DOCK5: variants seen among roughly 807,000 people sequenced by gnomAD.
DOCK5 encodes dedicator of cytokinesis 5.
A neutral mutation model predicts 251.8 loss-of-function variants in DOCK5; 142 were observed. The observed-to-expected ratio is 0.56, with a 90% CI of 0.49 to 0.65. DOCK5 has a LOEUF of 0.65. Ranked by LOEUF, DOCK5 falls within the 30% of genes least tolerant of loss-of-function variation. The probability of loss-of-function intolerance (pLI) is 0.00; values close to 1 mark genes in which losing one functional copy is unlikely to be tolerated. For synonymous variants in DOCK5, 842 were observed against 835.5 expected, an observed-to-expected ratio of 1.01 and a Z score of -0.13; for missense variants, 2,111 against 2,312.3, an observed-to-expected ratio of 0.91 and a Z score of 1.79.
chr8:25,234,414 T>C lies in DOCK5; in HGVS notation c.44-9260T>C, dbSNP rs1258558575. Among the ~76,000 whole-genome samples, 3 of 152,236 alleles carry C rather than the reference T, an allele frequency of 2.0e-5. No homozygotes were observed. In the East Asian group the frequency reaches 5.8e-4, roughly 29 times the overall value. On this transcript the variant is annotated intron_variant, in intron 1 of 51. Transcript: ENST00000276440. ...CAAGAAGAACCTGATAAGGAGACTT[T>C]ATTTGCTTTGGAAAAGATGTTCTGG...
chr8:25,386,215 G>A (rs559926364), intron 40 of DOCK5, among the ~76,000 whole-genome samples: 1 of 152,302 alleles, frequency 6.6e-6, no homozygotes, highest in Admixed American at 6.5e-5. Context: ...AGAAAAGTTG[G>A]TGAGTTACTT....
intron 8 of DOCK5, chr8:25,299,334 T>G: frequency 2.2e-6 from 1 of 459,364 alleles, no homozygotes. Flanking sequence ...ATAAAACTCA[T>G]TAGGGCTTGG....
In DOCK5 at chr8:25,302,694, T is replaced by G. The variant is rs144311381; in HGVS notation, c.976+240T>G. On this transcript the variant is annotated intron_variant, in intron 10 of 51. Coordinates refer to ENST00000276440, the MANE Select transcript of DOCK5 (RefSeq NM_024940.8). ...TCAGTGCATAAATGGACTAAGAAACTGTGGTGTGTACGCACAATGGAATAA... is the reference window on the plus strand; with the variant it reads ...TCAGTGCATAAATGGACTAAGAAACGGTGGTGTGTACGCACAATGGAATAA... Among the ~76,000 whole-genome samples the G allele has an allele frequency of 6.5e-3, 991 of 152,312 alleles. 8 individuals carry two copies. The highest frequency in any genetic ancestry group is 0.023 in the African/African-American group (957 of 41,570).
chr8:25,319,838 G>A (rs1313679690), intron 15 of DOCK5, among the ~76,000 whole-genome samples, 162 bp downstream of exon 15: 1 of 152,186 alleles, frequency 6.6e-6, no homozygotes, highest in Non-Finnish European at 1.5e-5. Context: ...TCTGTATTAA[G>A]AGCATTTATC....
At chr8:25,343,545 C>T (rs1800296737) in intron 25 of DOCK5, among the ~76,000 whole-genome samples, 1 of 152,146 alleles carries the variant, frequency 6.6e-6, no homozygotes, top group African/African-American at 2.4e-5. Flanking sequence ...GTCTTTAAAA[C>T]AGGAACCTCA....
chr8:25,274,894 G>A (rs938641231), intron 3 of DOCK5, among the ~76,000 whole-genome samples: 7 of 152,068 alleles, frequency 4.6e-5, no homozygotes, highest in African/African-American at 9.7e-5. Flanking sequence ...GCAGGGCTGC[G>A]TGCCATACTT....
intron 1 of DOCK5, among the ~76,000 whole-genome samples, chr8:25,205,925 T>A (rs1006823936): frequency 2.0e-5 from 3 of 152,202 alleles, no homozygotes; most frequent in Non-Finnish European, 2.9e-5. Flanking sequence ...TAGATTCTGT[T>A]TGTGGGAAGT....
intron 38 of DOCK5, among the ~76,000 whole-genome samples, chr8:25,378,773 G>A (rs1801010720): frequency 6.6e-6 from 1 of 152,178 alleles, no homozygotes; most frequent in African/African-American, 2.4e-5. Context: ...TTGAAATACA[G>A]TTTGCCAAAT....
chr8:25,275,546 C>T lies in DOCK5; in HGVS notation c.224+105C>T. 3 of 1,158,538 alleles carry T rather than the reference C, an allele frequency of 2.6e-6. 1 individual carries two copies. The South Asian group carries it at 4.4e-5, about 17-fold the overall frequency. The allele number at this position is 1,158,538 out of a possible 1,614,324, so 71.8% of individuals were successfully genotyped here. The stretch of plus-strand genomic sequence containing the variant: ...GCCTTATGTACGTTAATAGTTCTCT[C>T]ATCTCAGGCCAGGCGTGGTGGCTCA... On this transcript the variant is annotated intron_variant, in intron 4 of 51. Transcript: ENST00000276440.
chr8:25,389,122 A>T lies in DOCK5; in HGVS notation c.4163A>T (p.Tyr1388Phe). 1 of 1,614,022 alleles carries T rather than the reference A, an allele frequency of 6.2e-7. No homozygotes were observed. Among genetic ancestry groups the T allele is most frequent in the Non-Finnish European group, 8.5e-7 (1 of 1,179,894 alleles). Residue 1388 changes from tyrosine to phenylalanine, a missense_variant, in exon 41 of 52, where the codon TAT becomes TTT. Physicochemically the swap from Tyr to Phe is conservative, Grantham distance 22 (BLOSUM62 3). Coordinates refer to ENST00000276440, the MANE Select transcript of DOCK5 (RefSeq NM_024940.8). ...ATCTTCATCTATCGGGGAAAGGAGT[A>T]TGAGAGGCGAGAGGACTTCAGCCTG... ...NKIFIYRGKE[Y>F]ERREDFSLRL...
intron 1 of DOCK5, among the ~76,000 whole-genome samples, chr8:25,214,721 G>A (rs368374205): frequency 5.3e-5 from 8 of 152,200 alleles, no homozygotes; most frequent in African/African-American, 1.9e-4. Context: ...AGCAGTCATC[G>A]GTTGGTCATT....
intron 2 of DOCK5, among the ~76,000 whole-genome samples, chr8:25,245,579 G>C (rs34963169): frequency 6.8e-6 from 1 of 146,416 alleles, no homozygotes; most frequent in Admixed American, 7.0e-5. Context: ...TCATTCTGTC[G>C]TCCAGGCTGG....
chr8:25,242,134 C>T (rs1802969514), intron 1 of DOCK5, among the ~76,000 whole-genome samples: 1 of 151,998 alleles, frequency 6.6e-6, no homozygotes, highest in Admixed American at 6.6e-5. Flanking sequence ...CACATATATC[C>T]CAGAGCTTAA....
In DOCK5 at chr8:25,203,128, T is replaced by A. The variant is rs540870180; in HGVS notation, c.43+18177T>A. On this transcript the variant is annotated intron_variant, in intron 1 of 51. Transcript: ENST00000276440. ...GTAGCTCTTGGCCAGCCATTTCTGG[T>A]CTTAACACCCAGATCATCATAGAAT... is the stretch of plus-strand genomic sequence containing the variant. 7.9e-5 allele frequency among the ~76,000 whole-genome samples: 12 copies of A among 152,334 alleles called. No homozygotes were observed. The East Asian group carries it at 2.3e-3, about 29-fold the overall frequency.
intron 1 of DOCK5, among the ~76,000 whole-genome samples, chr8:25,233,995 A>G (rs1802734917): frequency 1.3e-5 from 2 of 152,354 alleles, no homozygotes; most frequent in Non-Finnish European, 2.9e-5. Flanking sequence ...ATTCAGTTCT[A>G]AAATCCTCCT....
At chr8:25,388,136 T>C (rs1801197412) in intron 40 of DOCK5, among the ~76,000 whole-genome samples, 1 of 152,222 alleles carries the variant, frequency 6.6e-6, no homozygotes, top group Non-Finnish European at 1.5e-5. Flanking sequence ...TGTTTACTAA[T>C]ATATTTACTT....
intron 11 of DOCK5, among the ~76,000 whole-genome samples, chr8:25,306,933 T>C (rs547846989): frequency 7.4e-4 from 112 of 152,286 alleles, no homozygotes; most frequent in African/African-American, 2.6e-3. Context: ...CTGTATGGTA[T>C]AGCCTATTGC....
Position 25,408,128 on chromosome 8 carries a change from G to A in DOCK5, c.5239G>A (p.Glu1747Lys), listed in dbSNP as rs1801555245. ...WSLSKSQVIA[E>K]KAPEPDLMSP... ...TCTGAGCAAGTCCCAGGTCATTGCA[G>A]AGAAAGCACCAGAACCCGATTTGAT... Residue 1747 changes from glutamate to lysine, a missense_variant, in exon 49 of 52, where the codon GAG becomes AAG. Physicochemically the swap from Glu to Lys is moderately conservative, Grantham distance 56 (BLOSUM62 1). Coordinates refer to ENST00000276440, the MANE Select transcript of DOCK5 (RefSeq NM_024940.8). The A allele has an allele frequency of 6.3e-7, 1 of 1,595,512 alleles. No homozygotes were observed. Among genetic ancestry groups the A allele is most frequent in the Non-Finnish European group, 8.5e-7 (1 of 1,170,916 alleles).
intron 40 of DOCK5, among the ~76,000 whole-genome samples, chr8:25,387,737 C>T (rs539270401): frequency 9.8e-5 from 15 of 152,340 alleles, no homozygotes; most frequent in African/African-American, 3.6e-4. Context: ...CTTTCCGCCC[C>T]TGGGCCTGAC....
Sources: allele counts gnomAD v4.1 joint callset (sites outside exome capture counted in the v4.1 genomes callset), GRCh38; gene constraint gnomAD v4.1.1; transcripts MANE v1.5; gene names NCBI Gene and HGNC (gene_info 2026-07-23, HGNC 2026-07-21).